Variants in NCAM1 observed in about 807,000 individuals in gnomAD.
The protein encoded by NCAM1 is neural cell adhesion molecule 1.
NCAM1 carries 14 observed loss-of-function variants against 109.8 expected under a neutral mutation model. The ratio of observed to expected loss-of-function variants is 0.13; its 90% CI spans 0.08 to 0.20. NCAM1 has a LOEUF of 0.20. Ranked by LOEUF, NCAM1 falls within the 10% of genes least tolerant of loss-of-function variation. NCAM1 has a pLI of 1.00. For missense variants in NCAM1, 774 were observed against 1,109.9 expected, an observed-to-expected ratio of 0.70 and a Z score of 4.30; for synonymous variants, 418 against 442.9, an observed-to-expected ratio of 0.94 and a Z score of 0.70.
Position 113,233,993 on chromosome 11 carries a change from C to T in NCAM1, c.1693+676C>T, listed in dbSNP as rs1299714246. Among the ~76,000 whole-genome samples the T allele has an allele frequency of 2.0e-5, 3 of 151,932 alleles. No homozygotes were observed. The highest frequency in any genetic ancestry group is 6.6e-5 in the Admixed American group (1 of 15,252). On this transcript the variant is annotated intron_variant, in intron 13 of 19. Coordinates refer to ENST00000316851, the MANE Select transcript of NCAM1 (RefSeq NM_181351.5). The surrounding 1 kb of genome is among the most constrained non-coding windows in gnomAD (Gnocchi z 4.5). ...AATCCTGGTCTCGTATGTGGTAATT[C>T]GAGTGGAATTGGAAGTAGGCTGGGA...
chr11:113,219,783 T>C (rs1386446604), intron 8 of NCAM1, among the ~76,000 whole-genome samples: 2 of 152,246 alleles, frequency 1.3e-5, no homozygotes, highest in African/African-American at 2.4e-5. Flanking sequence ...AAGAAAGATC[T>C]TGATTCCTGC....
chr11:113,005,778 A>G (rs985957848), intron 1 of NCAM1, among the ~76,000 whole-genome samples: 6 of 152,174 alleles, frequency 3.9e-5, no homozygotes, highest in East Asian at 1.9e-4. Context: ...GAGACTTTTA[A>G]GTGTATTTAC....
At chr11:113,187,173 G>A (rs1423834733) in intron 1 of NCAM1, among the ~76,000 whole-genome samples, 1 of 152,194 alleles carries the variant, frequency 6.6e-6, no homozygotes, top group African/African-American at 2.4e-5. Flanking sequence ...GTGTTTGACT[G>A]CAGCAGATTT....
intron 1 of NCAM1, among the ~76,000 whole-genome samples, chr11:113,044,207 A>C (rs2135339600): frequency 6.6e-6 from 1 of 152,142 alleles, no homozygotes; most frequent in African/African-American, 2.4e-5. Flanking sequence ...TGTCTGAACA[A>C]CTTTGGACCC....
chr11:113,225,874 G>A (rs1944828605), intron 9 of NCAM1, among the ~76,000 whole-genome samples: 1 of 152,114 alleles, frequency 6.6e-6, no homozygotes, highest in East Asian at 1.9e-4. Flanking sequence ...TTACAGACAA[G>A]CAAATGCTGA....
chr11:113,252,307 G>A (rs1311124740), intron 15 of NCAM1, among the ~76,000 whole-genome samples: 3 of 151,758 alleles, frequency 2.0e-5, no homozygotes, highest in African/African-American at 7.3e-5. Context: ...TCCGGAGGCT[G>A]TGGTGAGTGA....
intron 15 of NCAM1, among the ~76,000 whole-genome samples, chr11:113,250,860 C>T (rs782370373): frequency 6.6e-6 from 1 of 152,166 alleles, no homozygotes; most frequent in South Asian, 2.1e-4. Context: ...TGCAGTGGTG[C>T]GATCTCTGCT....
rs12278525 is a variant in NCAM1 at position 113,071,668 on chromosome 11, G to A, written c.52+110004G>A. Among the ~76,000 whole-genome samples, 1,473 of 152,044 alleles carry A rather than the reference G, an allele frequency of 9.7e-3. 19 individuals carry two copies. Among genetic ancestry groups the A allele is most frequent in the African/African-American group, 0.033 (1,371 of 41,500 alleles). ...TCTCAATCTCCTGACCTCGTGATCC[G>A]CCCGCCTCAGCCTCCCAAAGTGCTG... On this transcript the variant is annotated intron_variant, in intron 1 of 19. Transcript: ENST00000316851.
At chr11:113,071,465 G>A (rs1433383086) in intron 1 of NCAM1, among the ~76,000 whole-genome samples, 2 of 133,204 alleles carry the variant, frequency 1.5e-5, no homozygotes, top group Admixed American at 8.9e-5. Flanking sequence ...TCGCTTTATC[G>A]CCCAGGCTGG....
Position 113,232,407 on chromosome 11 carries a change from G to A in NCAM1, c.1425+53G>A, listed in dbSNP as rs1945039599. On this transcript the variant is annotated intron_variant, in intron 11 of 19. Transcript: ENST00000316851. ...CAGAGAAAGCACAGTTTGACTCTAGGTGGGCTCCAAAATGCAGCTCAAGTC... is the reference window on the plus strand; with the variant it reads ...CAGAGAAAGCACAGTTTGACTCTAGATGGGCTCCAAAATGCAGCTCAAGTC... 2.6e-6 allele frequency: 4 copies of A among 1,520,884 alleles called. No individual in the cohort carries two copies. In the East Asian group the frequency reaches 6.8e-5, roughly 26 times the overall value. The allele number at this position is 1,520,884 out of a possible 1,614,324, so 94.2% of individuals were successfully genotyped here. A position where few individuals can be genotyped will look rare whatever the true frequency, so the allele number is the denominator to read the frequency against.
chr11:113,264,544 C>A (rs2137705880), intron 17 of NCAM1: 1 of 985,502 alleles, frequency 1.0e-6, no homozygotes, highest in Non-Finnish European at 1.2e-6. Flanking sequence ...CATAAGGATC[C>A]CAGGTCAGTG....
rs200238198 is a variant in NCAM1, at chr11:113,191,153, C to T, written c.53-11226C>T. Reference sequence around the variant, plus strand: ...ACCCCATCCCTGTTGGCATCCACCACCAATGCTGAGAACTGAGCTATAGAG... The same window carrying T: ...ACCCCATCCCTGTTGGCATCCACCATCAATGCTGAGAACTGAGCTATAGAG... On this transcript the variant is annotated intron_variant, in intron 1 of 19. Coordinates refer to ENST00000316851, the MANE Select transcript of NCAM1 (RefSeq NM_181351.5). Among the ~76,000 whole-genome samples the T allele has an allele frequency of 1.6e-4, 25 of 152,298 alleles. No homozygotes were observed. The East Asian group carries it at 4.6e-3, about 28-fold the overall frequency.
intron 1 of NCAM1, among the ~76,000 whole-genome samples, chr11:113,180,118 G>A (rs1943286445): frequency 6.6e-6 from 1 of 152,168 alleles, no homozygotes; most frequent in Non-Finnish European, 1.5e-5. Flanking sequence ...GTGATTTGTG[G>A]ACGACTGACT....
chr11:113,161,009 C>T (rs1394271443), intron 1 of NCAM1, among the ~76,000 whole-genome samples: 3 of 152,086 alleles, frequency 2.0e-5, no homozygotes, highest in African/African-American at 7.2e-5. Flanking sequence ...GTGCAAGCTC[C>T]GTCACAAGAA....
In NCAM1 at chr11:113,275,419, A is replaced by C; in HGVS notation, c.*32A>C. ...AAGAGAACCGAGCAAAGATCAAAATAAAAAGTGACACAGCAGCTTCACCAG... is the reference window on the plus strand; with the variant it reads ...AAGAGAACCGAGCAAAGATCAAAATCAAAAGTGACACAGCAGCTTCACCAG... On this transcript the variant is annotated 3_prime_UTR_variant, in exon 20 of 20. Coordinates refer to ENST00000316851, the MANE Select transcript of NCAM1 (RefSeq NM_181351.5). The C allele has an allele frequency of 6.3e-7, 1 of 1,599,824 alleles. No individual in the cohort carries two copies. The highest frequency in any genetic ancestry group is 8.5e-7 in the Non-Finnish European group (1 of 1,172,896).
intron 1 of NCAM1, among the ~76,000 whole-genome samples, chr11:112,985,626 CTTTAG>C (rs763201260): frequency 3.0e-4 from 46 of 151,816 alleles, no homozygotes; most frequent in Non-Finnish European, 5.2e-4. Flanking sequence ...ATTTTTACCT[CTTTAG>C]TTAAGTTTAG....
chr11:112,983,291 C>T (rs1555069053), intron 1 of NCAM1, among the ~76,000 whole-genome samples: 1 of 151,718 alleles, frequency 6.6e-6, no homozygotes, highest in Non-Finnish European at 1.5e-5. Context: ...GATTGTGTAG[C>T]TCTCATGGAT....
chr11:113,219,276 GA>G (rs1175503484), intron 8 of NCAM1, among the ~76,000 whole-genome samples: 3 of 152,084 alleles, frequency 2.0e-5, no homozygotes, highest in Non-Finnish European at 4.4e-5. Context: ...CTTTTCACGA[GA>G]AAAAAATTCC....
chr11:113,213,923 G>A (rs1462284450), intron 7 of NCAM1, among the ~76,000 whole-genome samples: 1 of 152,192 alleles, frequency 6.6e-6, no homozygotes, highest in African/African-American at 2.4e-5. Context: ...TCACCTTCCT[G>A]TGCCTCATGC....
Sources: allele counts gnomAD v4.1 joint callset (sites outside exome capture counted in the v4.1 genomes callset), GRCh38; gene constraint gnomAD v4.1.1; non-coding constraint Gnocchi (gnomAD v3.1); transcripts MANE v1.5; gene names NCBI Gene and HGNC (gene_info 2026-07-23, HGNC 2026-07-21).